PANK4: variants seen among roughly 807,000 people sequenced by gnomAD.
The protein encoded by PANK4 is pantothenate kinase 4 (inactive).
PANK4 carries 40 observed loss-of-function variants against 87.9 expected under a neutral mutation model. The observed-to-expected ratio is 0.46, with a 90% CI of 0.35 to 0.59. The LOEUF is 0.59. Ranked by LOEUF, PANK4 falls within the 20% of genes least tolerant of loss-of-function variation. The pLI is 0.00. For synonymous variants in PANK4, 524 were observed against 467.4 expected (o/e 1.12, Z -1.56); for missense variants, 926 against 1,072.3 (o/e 0.86, Z 1.90).
In PANK4 at chr1:2,511,385, T is replaced by G. The variant is rs1370613308; in HGVS notation, c.1786A>C (p.Arg596=). 1 of 1,609,728 alleles carries G rather than the reference T, an allele frequency of 6.2e-7. No homozygotes were observed. The highest frequency in any genetic ancestry group is 2.2e-5 in the East Asian group (1 of 44,870). ...FEEAKRKLQE[R]PWLVDSYSEW... Reference sequence around the variant, plus strand: ...CTGTAGGAATCCACGAGCCAGGGTCTTTCTGAGACAGAGAGAGGGACACAT... The same window carrying G: ...CTGTAGGAATCCACGAGCCAGGGTCGTTCTGAGACAGAGAGAGGGACACAT... Residue 596 remains arginine (R), a splice_region_variant and synonymous_variant, in exon 15 of 19, where the codon AGA becomes CGA. Transcript: ENST00000378466.
chr1:2,525,855 TC>T (rs1021088610), intron 1 of PANK4: 8 of 152,234 alleles, frequency 5.3e-5, no homozygotes, highest in Non-Finnish European at 1.2e-4. Context: ...AGGCACGAGT[TC>T]CCAGGTCCCA....
chr1:2,519,772 T>C lies in PANK4; in HGVS notation c.853+29A>G. On this transcript the variant is annotated intron_variant, in intron 6 of 18. Coordinates refer to ENST00000378466, the MANE Select transcript of PANK4 (RefSeq NM_018216.4). The surrounding 1 kb of genome is among the most constrained non-coding windows in gnomAD (Gnocchi z 8.3). ...ACCCCAAGTGTCCCCACCATCCTGC[T>C]CTCTGGCGGCAGAGGCCGGGGTGAG... The C allele has an allele frequency of 6.5e-7, 1 of 1,547,776 alleles. No individual in the cohort carries two copies. Among genetic ancestry groups the C allele is most frequent in the African/African-American group, 1.4e-5 (1 of 73,750 alleles).
chr1:2,515,907 T>A lies in PANK4; in HGVS notation c.1219-190A>T. The stretch of plus-strand genomic sequence containing the variant: ...GGCGGCCTGAGCCGGATACCTTGAC[T>A]TACCCCCTGGTTTGACACTGGGGTT... On this transcript the variant is annotated intron_variant, in intron 9 of 18. Transcript: ENST00000378466. This position sits in a 1 kb window ranked among gnomAD's most constrained non-coding sequence, Gnocchi z 5.0. 1 of 623,794 alleles carries A rather than the reference T, an allele frequency of 1.6e-6. No individual in the cohort carries two copies. The highest frequency in any genetic ancestry group is 1.9e-5 in the South Asian group (1 of 51,294). The allele number at this position is 623,794 out of a possible 1,614,324, so 38.6% of individuals were successfully genotyped here.
Position 2,521,766 on chromosome 1 carries a change from C to G in PANK4, c.159G>C (p.Thr53=), listed in dbSNP as rs146408465. The G allele has an allele frequency of 1.9e-6, 3 of 1,613,992 alleles. No homozygotes were observed. The highest frequency in any genetic ancestry group is 1.1e-5 in the South Asian group (1 of 91,076). ...GCACCTTGGCGACTTTGTGCTGTAC[C>G]GTTGAATAGTAGGCCAGCTTGGTTA... is the stretch of plus-strand genomic sequence containing the variant. ...GSLTKLAYYS[T]VQHKVAKVRS... The change falls in exon 2 of 19, where the codon ACG becomes ACC. Residue 53 remains threonine (T), a synonymous_variant. Coordinates refer to ENST00000378466, the MANE Select transcript of PANK4 (RefSeq NM_018216.4).
Position 2,515,794 on chromosome 1 carries a change from T to A in PANK4, c.1219-77A>T, listed in dbSNP as rs1011954041. On this transcript the variant is annotated intron_variant, in intron 9 of 18. Coordinates refer to ENST00000378466, the MANE Select transcript of PANK4 (RefSeq NM_018216.4). This position sits in a 1 kb window ranked among gnomAD's most constrained non-coding sequence, Gnocchi z 5.0. ...CCAAGCCACACTCAGAAGCTTCCAC[T>A]CTCTCTCTAAGAAGGGAGATGTACT... 6.6e-6 allele frequency: 9 copies of A among 1,369,900 alleles called. No individual in the cohort carries two copies. In the African/African-American group the frequency reaches 1.3e-4, roughly 20 times the overall value. The allele number at this position is 1,369,900 out of a possible 1,614,324, so 84.9% of individuals were successfully genotyped here.
rs551181451 is a variant in PANK4, at chr1:2,515,497, G to A, written c.1374+65C>T. The stretch of plus-strand genomic sequence containing the variant: ...CCTTCGCCACCTTGGCTTTGCCCCC[G>A]GAGCCTTGGAAGGTTAACCCGGCTG... On this transcript the variant is annotated intron_variant, in intron 10 of 18. Coordinates refer to ENST00000378466, the MANE Select transcript of PANK4 (RefSeq NM_018216.4). The surrounding 1 kb of genome is among the most constrained non-coding windows in gnomAD (Gnocchi z 5.0). The A allele has an allele frequency of 2.3e-5, 36 of 1,563,020 alleles. No individual in the cohort carries two copies. Among genetic ancestry groups the A allele is most frequent in the Admixed American group, 5.0e-5 (3 of 59,828 alleles).
rs1223695413 is a variant in PANK4 at position 2,509,695 on chromosome 1, C to T, written c.2108+167G>A. ...CCATTCACCCTCCCCAGGCCACCTTCGGGGATGGCATATCTGTCCCCTCCT... is the reference window on the plus strand; with the variant it reads ...CCATTCACCCTCCCCAGGCCACCTTTGGGGATGGCATATCTGTCCCCTCCT... On this transcript the variant is annotated intron_variant, in intron 18 of 18. Transcript: ENST00000378466. This position sits in a 1 kb window ranked among gnomAD's most constrained non-coding sequence, Gnocchi z 4.9. The T allele has an allele frequency of 6.2e-6, 4 of 649,486 alleles. No homozygotes were observed. The highest frequency in any genetic ancestry group is 2.6e-5 in the Admixed American group (1 of 38,474). The allele number at this position is 649,486 out of a possible 1,614,324, so 40.2% of individuals were successfully genotyped here. A position where few individuals can be genotyped will look rare whatever the true frequency, so the allele number is the denominator to read the frequency against.
At chr1:2,512,052 A>T (rs1381747032) in intron 13 of PANK4, among the ~76,000 whole-genome samples, 1 of 152,200 alleles carries the variant, frequency 6.6e-6, no homozygotes, top group Non-Finnish European at 1.5e-5. Flanking sequence ...GCTGTTTCTC[A>T]AGGTGGACTC....
In PANK4 at chr1:2,510,396, T is replaced by TCCGATGGGC; in HGVS notation, c.1939-240_1939-239insGCCCATCGG. The TCCGATGGGC allele has an allele frequency of 1.2e-5, 7 of 597,948 alleles. No individual in the cohort carries two copies. In the South Asian group the frequency reaches 1.4e-4, roughly 12 times the overall value. 37.0% of individuals were successfully genotyped at this position (597,948 alleles called of 1,614,324 possible). Reference sequence around the variant, plus strand: ...AGCCTGCCCCTGGGACCTGCCTGTCTGTGAAGTCACAGCCCCAAAGCCTCC... The same window carrying TCCGATGGGC: ...AGCCTGCCCCTGGGACCTGCCTGTCTCCGATGGGCGTGAAGTCACAGCCCCAAAGCCTCC... On this transcript the variant is annotated intron_variant, in intron 16 of 18. Transcript: ENST00000378466. The surrounding 1 kb of genome is among the most constrained non-coding windows in gnomAD (Gnocchi z 4.9).
At chr1:2,512,607 G>C (rs1423489714) in intron 13 of PANK4, 16 of 454,328 alleles carry the variant, frequency 3.5e-5, no homozygotes, top group Non-Finnish European at 4.7e-5. Flanking sequence ...AATAGAAAAT[G>C]CCAGCCCCGA....
Position 2,521,950 on chromosome 1 carries a change from A to G in PANK4, c.125-150T>C, listed in dbSNP as rs1643879147. The G allele has an allele frequency of 4.6e-6, 3 of 653,498 alleles. No homozygotes were observed. The African/African-American group carries it at 5.4e-5, about 12-fold the overall frequency. The allele number at this position is 653,498 out of a possible 1,614,324, so 40.5% of individuals were successfully genotyped here. A position where few individuals can be genotyped will look rare whatever the true frequency, so the allele number is the denominator to read the frequency against. Reference sequence around the variant, plus strand: ...ACTGGAACTTAAAAACCCTGTGGGCACAAAAGAGAGGACAGGAAAACGAAC... The same window carrying G: ...ACTGGAACTTAAAAACCCTGTGGGCGCAAAAGAGAGGACAGGAAAACGAAC... On this transcript the variant is annotated intron_variant, in intron 1 of 18. Transcript: ENST00000378466.
chr1:2,518,485 G>T, intron 8 of PANK4, 31 bp downstream of exon 8: 1 of 1,530,226 alleles, frequency 6.5e-7, no homozygotes, highest in Non-Finnish European at 8.9e-7. Flanking sequence ...GAGGCCCCAC[G>T]CTGCTCAGGG....
At chr1:2,521,827 G>A in intron 1 of PANK4, 27 bp from the exon 2 acceptor site, 1 of 1,591,466 alleles carries the variant, frequency 6.3e-7, no homozygotes, top group East Asian at 2.2e-5. Context: ...AACCGGGCAG[G>A]ATTCAGGACC....
chr1:2,524,018 T>G (rs1004415887), intron 1 of PANK4, among the ~76,000 whole-genome samples: 1 of 152,168 alleles, frequency 6.6e-6, no homozygotes, highest in African/African-American at 2.4e-5. Flanking sequence ...TTCTCTCTGG[T>G]CCTGTGTTTC....
rs1643850943 is a variant in PANK4, at chr1:2,519,662, A to G, written c.853+139T>C. On this transcript the variant is annotated intron_variant, in intron 6 of 18. Coordinates refer to ENST00000378466, the MANE Select transcript of PANK4 (RefSeq NM_018216.4). The surrounding 1 kb of genome is among the most constrained non-coding windows in gnomAD (Gnocchi z 8.3). ...TGAGCTGCAGCGACTCGGCAGGAAG[A>G]GGTTACAGGGCTGACACCCAAGACC... 1 of 829,816 alleles carries G rather than the reference A, an allele frequency of 1.2e-6. No homozygotes were observed. The highest frequency in any genetic ancestry group is 3.0e-5 in the Admixed American group (1 of 33,232). 51.4% of individuals were successfully genotyped at this position (829,816 alleles called of 1,614,324 possible).
chr1:2,521,626 C>T (rs747100191), intron 2 of PANK4, 92 bp downstream of exon 2: 273 of 1,021,986 alleles, frequency 2.7e-4, no homozygotes, highest in Non-Finnish European at 1.6e-4. Flanking sequence ...TCGAGGTCTG[C>T]AGCAGCAGAG....
rs1270963996 is a variant in PANK4, at chr1:2,520,013, C to A, written c.700-59G>T. ...CAGGAGCTGCTGGAATCCCCACGAC[C>A]CCAGAAACCAAGCCCATGGCAGGAG... is the stretch of plus-strand genomic sequence containing the variant. On this transcript the variant is annotated intron_variant, in intron 5 of 18. Transcript: ENST00000378466. This position sits in a 1 kb window ranked among gnomAD's most constrained non-coding sequence, Gnocchi z 6.2. 3.4e-6 allele frequency: 5 copies of A among 1,475,960 alleles called. No individual in the cohort carries two copies. In the Admixed American group the frequency reaches 9.0e-5, roughly 27 times the overall value. 91.4% of individuals were successfully genotyped at this position (1,475,960 alleles called of 1,614,324 possible). A position where few individuals can be genotyped will look rare whatever the true frequency, so the allele number is the denominator to read the frequency against.
At chr1:2,523,537 G>C (rs1416914973) in intron 1 of PANK4, among the ~76,000 whole-genome samples, 1 of 151,924 alleles carries the variant, frequency 6.6e-6, no homozygotes, top group Non-Finnish European at 1.5e-5. Flanking sequence ...CAGGCCCTGG[G>C]TTCTTTGTGT....
intron 7 of PANK4, among the ~76,000 whole-genome samples, 153 bp from the exon 8 acceptor site, chr1:2,518,750 G>A (rs1388987107): frequency 6.6e-6 from 1 of 152,258 alleles, no homozygotes; most frequent in Admixed American, 6.5e-5. Flanking sequence ...GTGGAATCGC[G>A]CCTGGCACCA....
Sources: allele counts gnomAD v4.1 joint callset (sites outside exome capture counted in the v4.1 genomes callset), GRCh38; gene constraint gnomAD v4.1.1; non-coding constraint Gnocchi (gnomAD v3.1); transcripts MANE v1.5; gene names NCBI Gene and HGNC (gene_info 2026-07-23, HGNC 2026-07-21).